The following GABRB1 variants were observed in gnomAD, a reference collection of about 807,000 sequenced individuals.
The protein encoded by GABRB1 is gamma-aminobutyric acid receptor subunit beta-1.
A neutral mutation model predicts 51.6 loss-of-function variants in GABRB1; 17 were observed. The ratio of observed to expected loss-of-function variants is 0.33; its 90% CI spans 0.23 to 0.49. GABRB1 has a LOEUF of 0.49. Ranked by LOEUF, GABRB1 falls within the 20% of genes least tolerant of loss-of-function variation. The pLI, the probability that GABRB1 is intolerant of heterozygous loss-of-function variation, is 0.99. For missense variants in GABRB1, 410 were observed against 600.6 expected (o/e 0.68, Z 3.32); for synonymous variants, 247 against 218.9 (o/e 1.13, Z -1.14).
rs575395717 is a variant in GABRB1 at position 47,336,761 on chromosome 4, T to G, written c.544+16552T>G. 2.0e-5 allele frequency among the ~76,000 whole-genome samples: 3 copies of G among 152,210 alleles called. No individual in the cohort carries two copies. In the East Asian group the frequency reaches 5.8e-4, roughly 29 times the overall value. On this transcript the variant is annotated intron_variant, in intron 5 of 8. Coordinates refer to ENST00000295454, the MANE Select transcript of GABRB1 (RefSeq NM_000812.4). ...CAGAGTGCTGGAGTGAAAGTCTAAATGGAGTGGATGGAAGCTAGACCAGGA... is the reference window on the plus strand; with the variant it reads ...CAGAGTGCTGGAGTGAAAGTCTAAAGGGAGTGGATGGAAGCTAGACCAGGA...
intron 3 of GABRB1, among the ~76,000 whole-genome samples, chr4:47,128,315 G>A (rs750323917): frequency 1.3e-5 from 2 of 151,770 alleles, no homozygotes; most frequent in Non-Finnish European, 3.0e-5. Flanking sequence ...AACTATCTGC[G>A]AGTCCATCTT....
At chr4:47,261,303 G>A (rs1294180736) in intron 4 of GABRB1, among the ~76,000 whole-genome samples, 5 of 152,124 alleles carry the variant, frequency 3.3e-5, no homozygotes, top group African/African-American at 1.2e-4. Context: ...AAACCCCACT[G>A]TCTCAGCCCA....
At chr4:47,392,315 G>A (rs2110039970) in intron 5 of GABRB1, among the ~76,000 whole-genome samples, 1 of 151,356 alleles carries the variant, frequency 6.6e-6, no homozygotes. Flanking sequence ...GCCAGGAACA[G>A]GAAGCTTCTT....
At chr4:47,013,718 T>G (rs531350742) in intron 1 of GABRB1, among the ~76,000 whole-genome samples, 35 of 152,230 alleles carry the variant, frequency 2.3e-4, no homozygotes, top group Non-Finnish European at 4.7e-4. Flanking sequence ...GGGGGCACTT[T>G]GTTAATCCTA....
At chr4:47,333,198 A>G (rs1182400798) in intron 5 of GABRB1, among the ~76,000 whole-genome samples, 21 of 638 alleles carry the variant, frequency 0.033, 1 homozygote, top group African/African-American at 0.052. Context: ...TTTTATTTAT[A>G]TATATATATA....
chr4:47,393,092 G>A (rs1033237258), intron 5 of GABRB1, among the ~76,000 whole-genome samples: 28 of 152,198 alleles, frequency 1.8e-4, no homozygotes, highest in African/African-American at 6.5e-4. Flanking sequence ...ACTCATGGAT[G>A]GCTCTGGAAC....
In GABRB1 at chr4:47,263,188, T is replaced by TATA. The variant is rs1316539993; in HGVS notation, c.462-56928_462-56926dup. On this transcript the variant is annotated intron_variant, in intron 4 of 8. Coordinates refer to ENST00000295454, the MANE Select transcript of GABRB1 (RefSeq NM_000812.4). ...TGCACATGTACCCTAAAACTTAAAG[T>TATA]ATAATAATAATAAATAAATAAATAA... Among the ~76,000 whole-genome samples, 8 of 143,826 alleles carry TATA rather than the reference T, an allele frequency of 5.6e-5. No individual in the cohort carries two copies. The East Asian group carries it at 1.2e-3, about 22-fold the overall frequency. 94.4% of individuals were successfully genotyped at this position (143,826 alleles called of 152,430 possible).
chr4:47,187,639 A>G (rs963383994), intron 4 of GABRB1, among the ~76,000 whole-genome samples: 9 of 151,898 alleles, frequency 5.9e-5, no homozygotes, highest in Non-Finnish European at 1.0e-4. Flanking sequence ...AGTCTGTTAG[A>G]TATAGAGAAG....
At chr4:47,162,508 T>C (rs551365283) in intron 4 of GABRB1, among the ~76,000 whole-genome samples, 3 of 151,844 alleles carry the variant, frequency 2.0e-5, no homozygotes, top group Non-Finnish European at 4.4e-5. Context: ...GATTACAGAG[T>C]CTCACTTCAG....
At chr4:47,140,221 T>C (rs984884685) in intron 3 of GABRB1, among the ~76,000 whole-genome samples, 14 of 151,928 alleles carry the variant, frequency 9.2e-5, no homozygotes, top group African/African-American at 2.7e-4. Context: ...TAATGTATGT[T>C]GTAATTTTAC....
At chr4:47,092,196 G>T (rs1212364781) in intron 3 of GABRB1, among the ~76,000 whole-genome samples, 1 of 67,832 alleles carries the variant, frequency 1.5e-5, no homozygotes, top group Non-Finnish European at 2.6e-5. Context: ...TTTTGAGACC[G>T]AGTTTTGCTC....
intron 4 of GABRB1, among the ~76,000 whole-genome samples, chr4:47,303,746 A>T (rs1254273410): frequency 1.3e-5 from 2 of 152,000 alleles, no homozygotes; most frequent in East Asian, 3.8e-4. Flanking sequence ...ATCGTTTTTT[A>T]AAAATCTACT....
chr4:47,315,429 G>A (rs1724848716), intron 4 of GABRB1, among the ~76,000 whole-genome samples: 1 of 152,006 alleles, frequency 6.6e-6, no homozygotes, highest in African/African-American at 2.4e-5. Context: ...TACACTGCTG[G>A]TGGAAATGTA....
At chr4:47,055,844 T>G (rs997780845) in intron 3 of GABRB1, among the ~76,000 whole-genome samples, 7 of 152,228 alleles carry the variant, frequency 4.6e-5, no homozygotes, top group Non-Finnish European at 1.0e-4. Flanking sequence ...CTTTCAAGAC[T>G]GGACATGAAA....
intron 4 of GABRB1, among the ~76,000 whole-genome samples, chr4:47,242,623 T>A (rs888662548): frequency 6.6e-6 from 1 of 152,244 alleles, no homozygotes; most frequent in Non-Finnish European, 1.5e-5. Context: ...TGATTTACAT[T>A]TCTCTGATGG....
At chr4:47,345,306 T>TA (rs1160309309) in intron 5 of GABRB1, among the ~76,000 whole-genome samples, 1 of 152,122 alleles carries the variant, frequency 6.6e-6, no homozygotes, top group African/African-American at 2.4e-5. Context: ...CTATCCTCCC[T>TA]AATGGAGTTT....
intron 3 of GABRB1, among the ~76,000 whole-genome samples, chr4:47,107,651 G>C (rs964457717): frequency 3.3e-5 from 5 of 151,972 alleles, no homozygotes; most frequent in Admixed American, 3.3e-4. Flanking sequence ...AAAGTTAGTT[G>C]ACATATATGA....
chr4:47,024,381 T>C (rs1368257914), intron 1 of GABRB1, among the ~76,000 whole-genome samples: 1 of 151,950 alleles, frequency 6.6e-6, no homozygotes, highest in Non-Finnish European at 1.5e-5. Flanking sequence ...TTAAAACCAT[T>C]CCATGACTAT....
chr4:47,121,874 T>A (rs1715790363), intron 3 of GABRB1, among the ~76,000 whole-genome samples: 1 of 152,224 alleles, frequency 6.6e-6, no homozygotes, highest in Non-Finnish European at 1.5e-5. Flanking sequence ...CAATCCCATT[T>A]GATTTGAACA....
Sources: gnomAD v4.1 joint callset for allele counts (sites outside exome capture counted in the v4.1 genomes callset) on GRCh38, gnomAD v4.1.1 for gene constraint, MANE v1.5 for transcripts, NCBI Gene and HGNC (gene_info 2026-07-23, HGNC 2026-07-21) for gene names.